NCAPH: variants seen among roughly 807,000 people sequenced by gnomAD.
The protein encoded by NCAPH is non-SMC condensin I complex subunit H, also known as condensin complex subunit 2.
In NCAPH, 38 loss-of-function variants were observed where a neutral mutation model predicts 85.5. The observed-to-expected ratio is 0.44, with a 90% confidence interval of 0.34 to 0.58. The LOEUF (loss-of-function observed/expected upper bound fraction) is 0.58. NCAPH is among the 20% of genes least tolerant of loss of function. NCAPH has a pLI of 0.01. For missense variants in NCAPH, 789 were observed against 916.6 expected (o/e 0.86, Z 1.80); for synonymous variants, 301 against 335.1 (o/e 0.90, Z 1.11).
chr2:96,353,297 C>A lies in NCAPH; in HGVS notation c.911-9C>A. On this transcript the variant is annotated splice_polypyrimidine_tract_variant and intron_variant, in intron 7 of 17. Coordinates refer to ENST00000240423, the MANE Select transcript of NCAPH (RefSeq NM_015341.5). ...TAATCTCTCTTTGTGATCTTGCTAT[C>A]CTCTCCAGCGCCCTTGCAGCAGTGT... 6.2e-7 allele frequency: 1 copy of A among 1,613,332 alleles called. No individual in the cohort carries two copies. The highest frequency in any genetic ancestry group is 8.5e-7 in the Non-Finnish European group (1 of 1,179,286).
intron 12 of NCAPH, among the ~76,000 whole-genome samples, chr2:96,361,767 TACATATATATATATAC>T (rs1385028918): frequency 2.4e-5 from 3 of 122,892 alleles, no homozygotes; most frequent in African/African-American, 6.1e-5. Context: ...TATATATATA[TACATATATATATATAC>T]ACATATATAT....
At chr2:96,358,297 T>C (rs1370441712) in intron 9 of NCAPH, among the ~76,000 whole-genome samples, 1 of 152,196 alleles carries the variant, frequency 6.6e-6, no homozygotes, top group African/African-American at 2.4e-5. Context: ...TAGTAGGAAC[T>C]ATAGCGGTAT....
In NCAPH at chr2:96,364,896, G is replaced by A. The variant is rs1000988648; in HGVS notation, c.1698+305G>A. Among the ~76,000 whole-genome samples the A allele has an allele frequency of 3.3e-5, 5 of 152,194 alleles. No homozygotes were observed. The East Asian group carries it at 7.7e-4, about 23-fold the overall frequency. On this transcript the variant is annotated intron_variant, in intron 13 of 17. Coordinates refer to ENST00000240423, the MANE Select transcript of NCAPH (RefSeq NM_015341.5). ...CTACAAAGTACTAATCTTGGCTGTT[G>A]TGGGATTTCAAAGGAATATAAACAC...
chr2:96,354,443 T>C, intron 9 of NCAPH, 55 bp downstream of exon 9: 1 of 1,329,942 alleles, frequency 7.5e-7, no homozygotes, highest in Non-Finnish European at 9.8e-7. Flanking sequence ...TTGGTTCTTT[T>C]TTCTTTTTCT....
chr2:96,347,756 G>T (rs2064380971), intron 6 of NCAPH, among the ~76,000 whole-genome samples: 1 of 152,212 alleles, frequency 6.6e-6, no homozygotes, highest in African/African-American at 2.4e-5. Flanking sequence ...ACAGTGAGAT[G>T]AATGCCAGTG....
rs60204250 is a variant in NCAPH at position 96,355,905 on chromosome 2, A to ATTAC, written c.1208+1518_1208+1521dup. On this transcript the variant is annotated intron_variant, in intron 9 of 17. Coordinates refer to ENST00000240423, the MANE Select transcript of NCAPH (RefSeq NM_015341.5). ...CACCTCGGCCTCCCAAAGTGCTGGG[A>ATTAC]TTACAGGCGTGAGCCACTGCGCCTG... 1.4e-3 allele frequency among the ~76,000 whole-genome samples: 213 copies of ATTAC among 152,222 alleles called. 5 individuals are homozygous for ATTAC. In the East Asian group the frequency reaches 0.035, roughly 25 times the overall value.
rs2064301964 is a variant in NCAPH, at chr2:96,341,962, T to C, written c.272+68T>C. On this transcript the variant is annotated intron_variant, in intron 2 of 17. Transcript: ENST00000240423. ...GATATGGGCTGCGTAGGTCCAGGCA[T>C]CTCCACAAAACTTCATGGGTCTAGG... The C allele has an allele frequency of 9.3e-6, 15 of 1,605,484 alleles. No individual in the cohort carries two copies. In the South Asian group the frequency reaches 1.7e-4, roughly 18 times the overall value.
chr2:96,350,258 C>T (rs1307902316), intron 6 of NCAPH, among the ~76,000 whole-genome samples: 4 of 152,190 alleles, frequency 2.6e-5, no homozygotes, highest in African/African-American at 9.7e-5. Flanking sequence ...ATATAAATCC[C>T]TCTGTTGTCA....
Position 96,364,474 on chromosome 2 carries a change from C to T in NCAPH, c.1588-7C>T, listed in dbSNP as rs1279760120. 2 of 1,560,342 alleles carry T rather than the reference C, an allele frequency of 1.3e-6. No individual in the cohort carries two copies. The highest frequency in any genetic ancestry group is 1.7e-5 in the Admixed American group (1 of 58,170). ...AAATAGCTTTCTGCATTTATTCTTT[C>T]CTTTAGTTACTTAAGATGGCCCAGG... is the stretch of plus-strand genomic sequence containing the variant. On this transcript the variant is annotated splice_polypyrimidine_tract_variant and splice_region_variant and intron_variant, in intron 12 of 17. Coordinates refer to ENST00000240423, the MANE Select transcript of NCAPH (RefSeq NM_015341.5).
Position 96,361,848 on chromosome 2 carries a change from G to T in NCAPH, c.1587+1138G>T, listed in dbSNP as rs1218199934. On this transcript the variant is annotated intron_variant, in intron 12 of 17. Transcript: ENST00000240423. The stretch of plus-strand genomic sequence containing the variant: ...TATATATTTTTTTTTTTTTTTCCCT[G>T]AATTGACTGATATTACACATTCTAT... 1.9e-3 allele frequency among the ~76,000 whole-genome samples: 186 copies of T among 97,140 alleles called. 1 individual carries two copies. The highest frequency in any genetic ancestry group is 7.7e-3 in the African/African-American group (176 of 22,714). The allele number at this position is 97,140 out of a possible 152,430, so 63.7% of individuals were successfully genotyped here. A position where few individuals can be genotyped will look rare whatever the true frequency, so the allele number is the denominator to read the frequency against.
chr2:96,343,051 C>CT (rs1399977435), intron 4 of NCAPH, 115 bp from the exon 5 acceptor site: 1 of 1,411,760 alleles, frequency 7.1e-7, no homozygotes, highest in Non-Finnish European at 9.7e-7. Flanking sequence ...ATAGAGGGAT[C>CT]TTTGTCATTG....
intron 7 of NCAPH, among the ~76,000 whole-genome samples, chr2:96,352,477 G>T (rs191630002): frequency 1.3e-5 from 2 of 152,300 alleles, no homozygotes; most frequent in African/African-American, 2.4e-5. Flanking sequence ...TCTAAGAACT[G>T]ATCTCTCCTA....
At chr2:96,358,578 C>T (rs2064556170) in intron 9 of NCAPH, among the ~76,000 whole-genome samples, 1 of 152,130 alleles carries the variant, frequency 6.6e-6, no homozygotes, top group South Asian at 2.1e-4. Context: ...ACGCCATTCT[C>T]CTGCCTCAGC....
At chr2:96,355,823 A>G (rs1254730525) in intron 9 of NCAPH, among the ~76,000 whole-genome samples, 1 of 151,492 alleles carries the variant, frequency 6.6e-6, no homozygotes, top group Non-Finnish European at 1.5e-5. Context: ...TTTATTAGAG[A>G]CGGGGTTTCA....
At position 96,373,470 on chromosome 2, in the gene NCAPH, C is replaced by T. The variant is rs116700877; in HGVS notation, c.*119C>T. The T allele has an allele frequency of 5.3e-4, 488 of 914,698 alleles. 2 individuals are homozygous for T. In the African/African-American group the frequency reaches 6.3e-3, roughly 12 times the overall value. The allele number at this position is 914,698 out of a possible 1,614,324, so 56.7% of individuals were successfully genotyped here. A position where few individuals can be genotyped will look rare whatever the true frequency, so the allele number is the denominator to read the frequency against. On this transcript the variant is annotated 3_prime_UTR_variant, in exon 18 of 18. Transcript: ENST00000240423. The stretch of plus-strand genomic sequence containing the variant: ...TACCCAGGCTGTAGCCAACTACCAA[C>T]GTGCCTGTTTGTTTGTTGCTCTTTC...
intron 16 of NCAPH, 79 bp downstream of exon 16, chr2:96,369,142 C>A: frequency 1.5e-6 from 2 of 1,344,676 alleles, no homozygotes; most frequent in Non-Finnish European, 2.1e-6. Context: ...CCACACACAA[C>A]CTGTTTCCTA....
In NCAPH at chr2:96,335,848, G is replaced by T. The variant is rs776226055; in HGVS notation, c.19G>T (p.Ala7Ser). 1 of 1,491,738 alleles carries T rather than the reference G, an allele frequency of 6.7e-7. No homozygotes were observed. The allele number at this position is 1,491,738 out of a possible 1,614,324, so 92.4% of individuals were successfully genotyped here. The change falls in exon 1 of 18, where the codon GCA becomes TCA. Residue 7 changes from alanine to serine, a missense_variant and splice_region_variant. By Grantham distance (99) the Ala-to-Ser change is moderately conservative. Coordinates refer to ENST00000240423, the MANE Select transcript of NCAPH (RefSeq NM_015341.5). Reference sequence around the variant, plus strand: ...AGGAAAGATGGGACCTCCCGGCCCAGGTGAGCCGGGCGGTCGGGAGGCGCG... The same window carrying T: ...AGGAAAGATGGGACCTCCCGGCCCATGTGAGCCGGGCGGTCGGGAGGCGCG... MGPPGP[A>S]LPATMNNSSS...
At chr2:96,369,337 AT>A in intron 16 of NCAPH, 87 bp from the exon 17 acceptor site, 1 of 1,110,136 alleles carries the variant, frequency 9.0e-7, no homozygotes, top group Non-Finnish European at 1.4e-6. Flanking sequence ...TAGTTTAGTC[AT>A]TGCATGTGTG....
intron 11 of NCAPH, 146 bp from the exon 12 acceptor site, chr2:96,360,442 G>C (rs2064589975): frequency 3.0e-6 from 3 of 1,009,056 alleles, no homozygotes; most frequent in Non-Finnish European, 4.4e-6. Flanking sequence ...AAAGAATAAT[G>C]CTAGCAAAAT....
Sources: allele counts gnomAD v4.1 joint callset (sites outside exome capture counted in the v4.1 genomes callset), GRCh38; gene constraint gnomAD v4.1.1; transcripts MANE v1.5; gene names NCBI Gene and HGNC (gene_info 2026-07-23, HGNC 2026-07-21).